PCDH15: variants seen among roughly 807,000 people sequenced by gnomAD.
The protein encoded by PCDH15 is protocadherin-15.
PCDH15 carries 129 observed loss-of-function variants against 178.5 expected under a neutral mutation model. The observed-to-expected ratio is 0.72, with a 90% CI of 0.63 to 0.84. PCDH15 has a LOEUF of 0.84. PCDH15 is among the 40% of genes least tolerant of loss of function. The probability of loss-of-function intolerance (pLI) is 0.00; values close to 1 mark genes in which losing one functional copy is unlikely to be tolerated. For synonymous variants in PCDH15, 800 were observed against 732.0 expected, an observed-to-expected ratio of 1.09 and a Z score of -1.50; for missense variants, 2,230 against 2,099.9, an observed-to-expected ratio of 1.06 and a Z score of -1.21.
intron 2 of PCDH15, among the ~76,000 whole-genome samples, chr10:54,910,244 C>T (rs1387472659): frequency 1.3e-5 from 2 of 152,140 alleles, no homozygotes; most frequent in African/African-American, 2.4e-5. Flanking sequence ...CCATCAATAC[C>T]ACCAATACCT....
chr10:54,242,975 G>A (rs1319886330), intron 8 of PCDH15, among the ~76,000 whole-genome samples: 1 of 152,058 alleles, frequency 6.6e-6, no homozygotes, highest in African/African-American at 2.4e-5. Context: ...TAACATCATA[G>A]TATTTGGAGA....
chr10:53,882,116 G>T (rs1298371463), intron 26 of PCDH15, among the ~76,000 whole-genome samples: 1 of 100,148 alleles, frequency 1.0e-5, no homozygotes, highest in East Asian at 3.8e-4. Flanking sequence ...TGGGAGAAAA[G>T]CTGAGTGTTG....
At chr10:54,643,586 A>G (rs748836015) in intron 2 of PCDH15, among the ~76,000 whole-genome samples, 1 of 152,048 alleles carries the variant, frequency 6.6e-6, no homozygotes, top group African/African-American at 2.4e-5. Context: ...TTGCTCTCAT[A>G]TGACCTTAAT....
chr10:55,180,102 A>T (rs1839600181), intron 1 of PCDH15, among the ~76,000 whole-genome samples: 1 of 152,072 alleles, frequency 6.6e-6, no homozygotes, highest in Non-Finnish European at 1.5e-5. Context: ...CAGGGAAGGA[A>T]CTGGTCAGGA....
chr10:55,433,924 T>C (rs61851135), intron 2 of PCDH15, among the ~76,000 whole-genome samples: 56,550 of 151,806 alleles, frequency 0.37, 11,490 homozygotes, highest in African/African-American at 0.54. Flanking sequence ...ATCTGTTGTA[T>C]ATGAAGTCCT....
chr10:54,072,766 T>C (rs1414935883), intron 17 of PCDH15, among the ~76,000 whole-genome samples: 1 of 152,104 alleles, frequency 6.6e-6, no homozygotes, highest in African/African-American at 2.4e-5. Flanking sequence ...TCCCATCTAA[T>C]AGGTTATGGC....
intron 2 of PCDH15, among the ~76,000 whole-genome samples, chr10:55,096,345 T>C (rs939799802): frequency 1.3e-5 from 2 of 152,148 alleles, no homozygotes; most frequent in African/African-American, 2.4e-5. Flanking sequence ...TTTATGCTTG[T>C]TACACTCAAT....
chr10:55,339,380 G>T (rs772053032), intron 2 of PCDH15, among the ~76,000 whole-genome samples: 1 of 151,904 alleles, frequency 6.6e-6, no homozygotes, highest in Non-Finnish European at 1.5e-5. Context: ...TAGTAATGAG[G>T]ATATAGGATA....
intron 3 of PCDH15, among the ~76,000 whole-genome samples, chr10:54,393,610 T>A (rs564308152): frequency 4.7e-4 from 72 of 152,304 alleles, no homozygotes; most frequent in African/African-American, 1.6e-3. Context: ...ATTCACAACC[T>A]TTTCAAATAA....
intron 23 of PCDH15, among the ~76,000 whole-genome samples, chr10:53,950,283 G>T (rs2086908227): frequency 6.6e-6 from 1 of 151,706 alleles, no homozygotes; most frequent in South Asian, 2.1e-4. Flanking sequence ...AGGGATATTT[G>T]CCCTTATTTT....
At chr10:55,141,327 C>T (rs1838349050) in intron 2 of PCDH15, among the ~76,000 whole-genome samples, 1 of 151,880 alleles carries the variant, frequency 6.6e-6, no homozygotes, top group African/African-American at 2.4e-5. Context: ...GAAAAAGATA[C>T]CAAGCAATTG....
chr10:54,473,832 T>C (rs1414239696), intron 3 of PCDH15, among the ~76,000 whole-genome samples: 1 of 151,918 alleles, frequency 6.6e-6, no homozygotes, highest in Non-Finnish European at 1.5e-5. Flanking sequence ...ATAGGAATTC[T>C]AATAATTTTT....
intron 2 of PCDH15, among the ~76,000 whole-genome samples, chr10:55,521,950 C>A (rs1841186207): frequency 6.6e-6 from 1 of 151,812 alleles, no homozygotes; most frequent in South Asian, 2.1e-4. Flanking sequence ...GGGAAAATGT[C>A]AAAATTCAAA....
rs182504048 is a variant in PCDH15, at chr10:54,103,808, G to A, written c.1918-13745C>T. On this transcript the variant is annotated intron_variant, in intron 15 of 37. Transcript: ENST00000644397. ...TAAATGCAGAATCCCTACTTGGTGG[G>A]CCCAGATCAATAAATTCAGCCTGAT... is the stretch of plus-strand genomic sequence containing the variant. 3.7e-3 allele frequency among the ~76,000 whole-genome samples: 561 copies of A among 152,054 alleles called. 3 individuals are homozygous for A. Among genetic ancestry groups the A allele is most frequent in the Non-Finnish European group, 5.3e-3 (360 of 68,004 alleles).
chr10:54,005,992 T>A (rs1356064185), intron 20 of PCDH15, among the ~76,000 whole-genome samples: 1 of 151,952 alleles, frequency 6.6e-6, no homozygotes, highest in Non-Finnish European at 1.5e-5. Context: ...AAGAATGAGA[T>A]CCTATAATGT....
intron 1 of PCDH15, among the ~76,000 whole-genome samples, chr10:54,692,493 C>T (rs1591086065): frequency 6.6e-6 from 1 of 152,274 alleles, no homozygotes; most frequent in East Asian, 1.9e-4. Flanking sequence ...AGTCTTTGTA[C>T]ACGAAATCTA....
intron 18 of PCDH15, among the ~76,000 whole-genome samples, chr10:54,047,086 G>T (rs1251085152): frequency 6.6e-6 from 1 of 152,100 alleles, no homozygotes; most frequent in Non-Finnish European, 1.5e-5. Context: ...AAAATATATA[G>T]CTAGATAGAT....
intron 3 of PCDH15, among the ~76,000 whole-genome samples, chr10:54,456,525 C>T (rs1219250790): frequency 2.0e-5 from 3 of 152,178 alleles, no homozygotes; most frequent in Non-Finnish European, 4.4e-5. Context: ...TTTGATTTCA[C>T]ACGTTTGTAG....
intron 2 of PCDH15, among the ~76,000 whole-genome samples, chr10:55,077,836 C>T (rs779585386): frequency 5.3e-5 from 8 of 152,072 alleles, no homozygotes; most frequent in East Asian, 1.9e-4. Context: ...CGTGAGCCAC[C>T]GTGCCCGGCC....
Sources: gnomAD v4.1 joint callset for allele counts (sites outside exome capture counted in the v4.1 genomes callset) on GRCh38, gnomAD v4.1.1 for gene constraint, MANE v1.5 for transcripts, NCBI Gene and HGNC (gene_info 2026-07-23, HGNC 2026-07-21) for gene names.